The following C12orf75 variants were observed in gnomAD, a reference collection of about 807,000 sequenced individuals.
The protein encoded by C12orf75 is chromosome 12 open reading frame 75, also known as overexpressed in colon carcinoma 1 protein.
Under a neutral mutation model 11.4 loss-of-function variants are expected in C12orf75, and 4 were observed. The ratio of observed to expected loss-of-function variants is 0.35; its 90% CI spans 0.17 to 0.80. The LOEUF is 0.80. C12orf75 is among the 30% of genes least tolerant of loss of function. The pLI, the probability that C12orf75 is intolerant of heterozygous loss-of-function variation, is 0.52. For missense variants in C12orf75, 89 were observed against 80.4 expected, an observed-to-expected ratio of 1.11 and a Z score of -0.41; for synonymous variants, 30 against 30.0, an observed-to-expected ratio of 1.00 and a Z score of 0.00.
intron 2 of C12orf75, among the ~76,000 whole-genome samples, chr12:105,356,438 G>GA (rs1288538503): frequency 1.2e-5 from 1 of 83,102 alleles, no homozygotes; most frequent in Admixed American, 1.2e-4. Context: ...AAGACTACAG[G>GA]CTTTTTTTTT....
chr12:105,331,117 C>T (rs1892416527), intron 1 of C12orf75, among the ~76,000 whole-genome samples, 180 bp downstream of exon 1: 3 of 151,832 alleles, frequency 2.0e-5, no homozygotes. Context: ...CGCGCGGGGG[C>T]GGTTGCGCCT....
intron 2 of C12orf75, among the ~76,000 whole-genome samples, chr12:105,359,258 G>A (rs1241020494): frequency 1.3e-5 from 2 of 152,088 alleles, no homozygotes; most frequent in Non-Finnish European, 2.9e-5. Context: ...TTGGTTTATG[G>A]CACCTGATCC....
At chr12:105,365,058 A>G (rs2136151847) in intron 2 of C12orf75, among the ~76,000 whole-genome samples, 1 of 152,142 alleles carries the variant, frequency 6.6e-6, no homozygotes, top group East Asian at 1.9e-4. Context: ...GCTGGTCTCG[A>G]ACTCCTGACC....
Position 105,330,824 on chromosome 12 carries a change from T to C in C12orf75, c.-68T>C. On this transcript the variant is annotated 5_prime_UTR_variant, in exon 1 of 6. Transcript: ENST00000443585. ...CCCGCTCGGGGTGCGCCGCCCTTCG[T>C]CTGGGTCTCCGCCCCCAGGACCCGC... is the stretch of plus-strand genomic sequence containing the variant. 1.6e-6 allele frequency: 2 copies of C among 1,229,934 alleles called. No individual in the cohort carries two copies. Among genetic ancestry groups the C allele is most frequent in the Non-Finnish European group, 2.0e-6 (2 of 986,496 alleles). The allele number at this position is 1,229,934 out of a possible 1,614,324, so 76.2% of individuals were successfully genotyped here.
chr12:105,330,800 C>A lies in C12orf75; in HGVS notation c.-92C>A, dbSNP rs1328041313. 3.3e-6 allele frequency: 4 copies of A among 1,194,728 alleles called. No homozygotes were observed. The African/African-American group carries it at 4.8e-5, about 14-fold the overall frequency. The allele number at this position is 1,194,728 out of a possible 1,614,324, so 74.0% of individuals were successfully genotyped here. A position where few individuals can be genotyped will look rare whatever the true frequency, so the allele number is the denominator to read the frequency against. ...GGCCCCTCGCGGCCCCGTCAGCCTC[C>A]CGCTCGGGGTGCGCCGCCCTTCGTC... On this transcript the variant is annotated 5_prime_UTR_variant, in exon 1 of 6. Transcript: ENST00000443585.
intron 2 of C12orf75, among the ~76,000 whole-genome samples, chr12:105,359,053 C>T (rs750712677): frequency 2.0e-5 from 3 of 152,162 alleles, no homozygotes; most frequent in Non-Finnish European, 2.9e-5. Flanking sequence ...TGATGTGCCA[C>T]GTACTTATTT....
chr12:105,365,326 G>A (rs750870258), intron 2 of C12orf75, among the ~76,000 whole-genome samples: 1 of 152,148 alleles, frequency 6.6e-6, no homozygotes, highest in Non-Finnish European at 1.5e-5. Flanking sequence ...AGTACCTATA[G>A]TTGTGCCACT....
intron 1 of C12orf75, among the ~76,000 whole-genome samples, chr12:105,342,112 A>G (rs1592877737): frequency 6.6e-6 from 1 of 152,266 alleles, no homozygotes; most frequent in East Asian, 1.9e-4. Context: ...AGTTATTTTG[A>G]GGTTTTCGTA....
chr12:105,356,436 A>G (rs1199860417), intron 2 of C12orf75, among the ~76,000 whole-genome samples: 5 of 119,664 alleles, frequency 4.2e-5, no homozygotes, highest in African/African-American at 1.2e-4. Flanking sequence ...AAAAGACTAC[A>G]GGCTTTTTTT....
chr12:105,333,419 C>T (rs182671919), intron 1 of C12orf75, among the ~76,000 whole-genome samples: 9 of 152,270 alleles, frequency 5.9e-5, no homozygotes, highest in Admixed American at 5.2e-4. Flanking sequence ...CCGAGCAATA[C>T]GAAACGCGTT....
chr12:105,352,951 A>G (rs953460550), intron 2 of C12orf75, among the ~76,000 whole-genome samples: 14 of 152,202 alleles, frequency 9.2e-5, no homozygotes, highest in African/African-American at 3.4e-4. Context: ...ACTGAACAAA[A>G]CAAACAAAAC....
intron 5 of C12orf75, among the ~76,000 whole-genome samples, chr12:105,368,083 A>G (rs1286714021): frequency 2.6e-5 from 4 of 151,908 alleles, no homozygotes; most frequent in South Asian, 4.2e-4. Flanking sequence ...CACGTTCAGT[A>G]TGGACATGGC....
chr12:105,352,271 G>A (rs1169644245), intron 2 of C12orf75, among the ~76,000 whole-genome samples: 1 of 152,098 alleles, frequency 6.6e-6, no homozygotes, highest in Non-Finnish European at 1.5e-5. Flanking sequence ...AGTTGAGCAG[G>A]GTGAATGATA....
At chr12:105,356,697 A>G (rs899912588) in intron 2 of C12orf75, among the ~76,000 whole-genome samples, 1 of 152,148 alleles carries the variant, frequency 6.6e-6, no homozygotes, top group Non-Finnish European at 1.5e-5. Context: ...TGATCATGAC[A>G]TGGTTCCATT....
At chr12:105,343,737 G>C (rs571029183) in intron 1 of C12orf75, among the ~76,000 whole-genome samples, 37 of 150,936 alleles carry the variant, frequency 2.5e-4, no homozygotes, top group Middle Eastern at 6.8e-3. Context: ...TTTCTTTTGG[G>C]AAGTTGTGTG....
At chr12:105,338,084 A>G (rs893808810) in intron 1 of C12orf75, among the ~76,000 whole-genome samples, 5 of 152,262 alleles carry the variant, frequency 3.3e-5, no homozygotes, top group Non-Finnish European at 7.3e-5. Flanking sequence ...ATAGCTCCAT[A>G]TAGACATGGC....
chr12:105,338,817 C>T (rs1892529434), intron 1 of C12orf75, among the ~76,000 whole-genome samples: 1 of 152,158 alleles, frequency 6.6e-6, no homozygotes, highest in Admixed American at 6.6e-5. Context: ...TACCACCAGC[C>T]ATTCATGAAG....
intron 1 of C12orf75, among the ~76,000 whole-genome samples, chr12:105,338,851 C>G (rs922100607): frequency 2.0e-5 from 3 of 152,132 alleles, no homozygotes; most frequent in Admixed American, 1.3e-4. Flanking sequence ...GGCCCAAACA[C>G]CTCCCATTAG....
chr12:105,335,505 A>T (rs898988368), intron 1 of C12orf75, among the ~76,000 whole-genome samples: 2 of 152,126 alleles, frequency 1.3e-5, no homozygotes, highest in African/African-American at 4.8e-5. Context: ...TGCTGAACTC[A>T]TTCTTGTTTT....
Sources: allele counts gnomAD v4.1 joint callset (sites outside exome capture counted in the v4.1 genomes callset), GRCh38; gene constraint gnomAD v4.1.1; transcripts MANE v1.5; gene names NCBI Gene and HGNC (gene_info 2026-07-23, HGNC 2026-07-21).